SDK1: variants seen among roughly 807,000 people sequenced by gnomAD.
SDK1 encodes sidekick cell adhesion molecule 1, also known as protein sidekick-1.
A neutral mutation model predicts 245.5 loss-of-function variants in SDK1; 157 were observed. The observed-to-expected ratio is 0.64, with a 90% confidence interval of 0.56 to 0.73. SDK1 has a LOEUF of 0.73. Among genes scored for constraint, SDK1 ranks in the 30% least tolerant of loss-of-function variants. SDK1 has a pLI of 0.00. For missense variants in SDK1, 3,583 were observed against 3,002.3 expected, an observed-to-expected ratio of 1.19 and a Z score of -4.52; for synonymous variants, 1,647 against 1,278.5, an observed-to-expected ratio of 1.29 and a Z score of -6.15.
chr7:3,743,304 G>A (rs1224070080), intron 4 of SDK1, among the ~76,000 whole-genome samples: 1 of 152,208 alleles, frequency 6.6e-6, no homozygotes, highest in Admixed American at 6.5e-5. Context: ...CTTTCTTGGT[G>A]AGGTTTGAGA....
At chr7:4,179,783 G>A (rs1041638111) in intron 35 of SDK1, among the ~76,000 whole-genome samples, 19 of 152,060 alleles carry the variant, frequency 1.2e-4, no homozygotes, top group Middle Eastern at 3.4e-3. Context: ...GTGCCACTGC[G>A]GACGGCGGCC....
At chr7:3,565,678 A>G (rs186265856) in intron 1 of SDK1, among the ~76,000 whole-genome samples, 15 of 152,292 alleles carry the variant, frequency 9.8e-5, no homozygotes, top group Admixed American at 3.9e-4. Context: ...CCTGACTTAA[A>G]ACAGCTTAGT....
At chr7:3,555,964 G>T (rs922713212) in intron 1 of SDK1, among the ~76,000 whole-genome samples, 2 of 152,104 alleles carry the variant, frequency 1.3e-5, no homozygotes, top group African/African-American at 4.8e-5. Context: ...ATACACTATC[G>T]GTGGGAATGT....
chr7:4,080,513 G>A (rs57964923), intron 22 of SDK1, among the ~76,000 whole-genome samples: 5,259 of 152,246 alleles, frequency 0.035, 291 homozygotes, highest in African/African-American at 0.12. Flanking sequence ...GAAATTGGCC[G>A]TAAATTAGGG....
intron 14 of SDK1, among the ~76,000 whole-genome samples, chr7:4,003,889 C>T (rs893380141): frequency 6.6e-5 from 10 of 152,228 alleles, no homozygotes; most frequent in Admixed American, 3.3e-4. Flanking sequence ...GGGGCCCTCG[C>T]GGGCATTGCT....
At chr7:3,912,025 G>A (rs896692678) in intron 5 of SDK1, among the ~76,000 whole-genome samples, 2 of 152,162 alleles carry the variant, frequency 1.3e-5, no homozygotes, top group East Asian at 1.9e-4. Flanking sequence ...GTGCGGGGGC[G>A]TGCAGGGCAA....
chr7:3,729,110 G>A (rs567678497), intron 4 of SDK1, among the ~76,000 whole-genome samples: 1 of 152,270 alleles, frequency 6.6e-6, no homozygotes, highest in African/African-American at 2.4e-5. Context: ...CTTGCCTGGA[G>A]GATGTTTATA....
At chr7:3,858,455 C>T (rs79844439) in intron 5 of SDK1, among the ~76,000 whole-genome samples, 10,178 of 151,738 alleles carry the variant, frequency 0.067, 1,130 homozygotes, top group African/African-American at 0.23. Flanking sequence ...TAAGTGAATT[C>T]AAAAAATACC....
At chr7:3,898,717 A>T (rs1781684891) in intron 5 of SDK1, among the ~76,000 whole-genome samples, 1 of 152,148 alleles carries the variant, frequency 6.6e-6, no homozygotes, top group African/African-American at 2.4e-5. Flanking sequence ...TTTTGGTTTT[A>T]TTATGTCACG....
intron 5 of SDK1, among the ~76,000 whole-genome samples, chr7:3,861,675 T>C (rs1489946564): frequency 2.0e-5 from 3 of 152,204 alleles, no homozygotes; most frequent in African/African-American, 7.2e-5. Flanking sequence ...GCTGTCTTCA[T>C]GAGCCTGAAG....
chr7:3,885,863 C>G (rs576911952), intron 5 of SDK1, among the ~76,000 whole-genome samples: 1 of 152,316 alleles, frequency 6.6e-6, no homozygotes, highest in Admixed American at 6.5e-5. Context: ...TTAGCACTTT[C>G]TGGAGATGCC....
At chr7:4,263,335 G>C (rs1473984236) in intron 44 of SDK1, among the ~76,000 whole-genome samples, 1 of 151,236 alleles carries the variant, frequency 6.6e-6, no homozygotes, top group Non-Finnish European at 1.5e-5. Flanking sequence ...GGGGCAGGCA[G>C]AGTCCCCTGG....
chr7:3,780,518 C>T (rs1275205213), intron 4 of SDK1, among the ~76,000 whole-genome samples: 1 of 152,216 alleles, frequency 6.6e-6, no homozygotes, highest in African/African-American at 2.4e-5. Context: ...TAAAGCTAAG[C>T]TGGTTGCCTT....
chr7:4,016,075 G>A (rs755361702), intron 16 of SDK1, among the ~76,000 whole-genome samples: 3 of 152,146 alleles, frequency 2.0e-5, no homozygotes, highest in Non-Finnish European at 2.9e-5. Flanking sequence ...CTGATGTTCC[G>A]GTCCACGCGT....
In SDK1 at chr7:3,704,066, A is replaced by G. The variant is rs528990691; in HGVS notation, c.713+61961A>G. 1.2e-3 allele frequency among the ~76,000 whole-genome samples: 176 copies of G among 152,158 alleles called. 1 individual carries two copies. Among genetic ancestry groups the G allele is most frequent in the African/African-American group, 4.1e-3 (170 of 41,520 alleles). ...TTCTTCCTCCCCTTTCTGAGTTCCC[A>G]TAGTCCATTATATTGCACTGTATGC... On this transcript the variant is annotated intron_variant, in intron 4 of 44. Coordinates refer to ENST00000404826, the MANE Select transcript of SDK1 (RefSeq NM_152744.4).
intron 1 of SDK1, among the ~76,000 whole-genome samples, chr7:3,584,946 G>T (rs987572372): frequency 6.6e-6 from 1 of 151,934 alleles, no homozygotes. Flanking sequence ...GGATGGTCCC[G>T]ATCTCCTGAC....
chr7:3,736,118 T>G (rs79791361), intron 4 of SDK1, among the ~76,000 whole-genome samples: 1,982 of 152,324 alleles, frequency 0.013, 22 homozygotes, highest in Non-Finnish European at 0.018. Context: ...TTTGCCAGTG[T>G]CTTTTTCTTA....
intron 1 of SDK1, among the ~76,000 whole-genome samples, chr7:3,520,254 C>T (rs903356740): frequency 1.3e-5 from 2 of 152,124 alleles, no homozygotes; most frequent in Non-Finnish European, 2.9e-5. Context: ...TAGTTTCACC[C>T]TGCTTTCTTT....
In SDK1 at chr7:3,494,524, G is replaced by C. The variant is rs756851836; in HGVS notation, c.299-124556G>C. 2.0e-5 allele frequency among the ~76,000 whole-genome samples: 3 copies of C among 152,108 alleles called. No homozygotes were observed. In the East Asian group the frequency reaches 5.8e-4, roughly 29 times the overall value. ...TTCATTTTCTGAGAAATAGATATGG[G>C]GTGCACAGTGATGTTATGTATGAAG... On this transcript the variant is annotated intron_variant, in intron 1 of 44. Transcript: ENST00000404826.
Sources: allele counts gnomAD v4.1 joint callset (sites outside exome capture counted in the v4.1 genomes callset), GRCh38; gene constraint gnomAD v4.1.1; transcripts MANE v1.5; gene names NCBI Gene and HGNC (gene_info 2026-07-23, HGNC 2026-07-21).